FOXK2: variants seen among roughly 807,000 people sequenced by gnomAD.
FOXK2 encodes forkhead box protein K2.
FOXK2 carries 24 observed loss-of-function variants against 53.3 expected under a neutral mutation model. The observed-to-expected ratio is 0.45, with a 90% CI of 0.33 to 0.63. The LOEUF (loss-of-function observed/expected upper bound fraction) is 0.63. Among genes scored for constraint, FOXK2 ranks in the 30% least tolerant of loss-of-function variants. The pLI is 0.03. For synonymous variants in FOXK2, 505 were observed against 407.1 expected, an observed-to-expected ratio of 1.24 and a Z score of -2.89; for missense variants, 952 against 910.5, an observed-to-expected ratio of 1.05 and a Z score of -0.59.
chr17:82,561,796 G>A (rs1261878709), intron 1 of FOXK2, among the ~76,000 whole-genome samples: 3 of 152,112 alleles, frequency 2.0e-5, no homozygotes, highest in Non-Finnish European at 4.4e-5. Context: ...TCCACAGGCT[G>A]GACCCTTCTT....
chr17:82,532,752 G>C (rs993923105), intron 1 of FOXK2, among the ~76,000 whole-genome samples: 1 of 151,670 alleles, frequency 6.6e-6, no homozygotes, highest in South Asian at 2.1e-4. Flanking sequence ...ATTTTTAGTA[G>C]AGATGGGGTT....
chr17:82,571,389 T>C (rs914385791), intron 3 of FOXK2, among the ~76,000 whole-genome samples: 2 of 152,044 alleles, frequency 1.3e-5, no homozygotes, highest in Non-Finnish European at 2.9e-5. Flanking sequence ...TCACCTGAGG[T>C]CAGGAGTTTG....
chr17:82,562,581 T>TAA (rs376861309), intron 1 of FOXK2, among the ~76,000 whole-genome samples: 10 of 143,046 alleles, frequency 7.0e-5, no homozygotes, highest in South Asian at 2.2e-4. Context: ...ACTCTGTTTC[T>TAA]AAAAAAAAAA....
rs1430943584 is a variant in FOXK2 at position 82,604,315 on chromosome 17, T to C, written c.*2816T>C. 2.0e-5 allele frequency: 3 copies of C among 152,444 alleles called. No homozygotes were observed. The highest frequency in any genetic ancestry group is 2.9e-5 in the Non-Finnish European group (2 of 68,048). 9.4% of individuals were successfully genotyped at this position (152,444 alleles called of 1,614,324 possible). ...TCCTCGGTTGCTCCTCCTCTCACTTTAGTAGAGTACGCGGTGGACAGCTGA... is the reference window on the plus strand; with the variant it reads ...TCCTCGGTTGCTCCTCCTCTCACTTCAGTAGAGTACGCGGTGGACAGCTGA... On this transcript the variant is annotated 3_prime_UTR_variant, in exon 9 of 9. Coordinates refer to ENST00000335255, the MANE Select transcript of FOXK2 (RefSeq NM_004514.4).
rs569390298 is a variant in FOXK2 at position 82,587,229 on chromosome 17, C to T, written c.1743C>T (p.His581=). ...AAACTGTAACACAAAACGGCACTCA[C>T]GTGGCATCAGTCCCCACTGCGGTCC... is the stretch of plus-strand genomic sequence containing the variant. ...PIKTVTQNGT[H]VASVPTAVHG... is the part of the protein sequence containing the mutation. Residue 581 remains histidine (H), a synonymous_variant, in exon 8 of 9, where the codon CAC becomes CAT. Coordinates refer to ENST00000335255, the MANE Select transcript of FOXK2 (RefSeq NM_004514.4). 6 of 1,613,070 alleles carry T rather than the reference C, an allele frequency of 3.7e-6. No individual in the cohort carries two copies. The highest frequency in any genetic ancestry group is 4.5e-5 in the East Asian group (2 of 44,892).
chr17:82,585,762 CT>C (rs2045130391), intron 6 of FOXK2, 141 bp from the exon 7 acceptor site: 1 of 785,762 alleles, frequency 1.3e-6, no homozygotes, highest in Admixed American at 2.9e-5. Context: ...TTATTAGTAA[CT>C]TTACTATTGT....
intron 4 of FOXK2, 57 bp from the exon 5 acceptor site, chr17:82,582,684 T>C: frequency 7.0e-7 from 1 of 1,437,208 alleles, no homozygotes; most frequent in Non-Finnish European, 9.4e-7. Context: ...CGAGGACACA[T>C]TTTTATTTCT....
At chr17:82,550,033 A>T (rs965658643) in intron 1 of FOXK2, among the ~76,000 whole-genome samples, 4 of 152,120 alleles carry the variant, frequency 2.6e-5, no homozygotes, top group Admixed American at 2.6e-4. Context: ...TGAGACCCCC[A>T]TCTCTACAAA....
Position 82,587,129 on chromosome 17 carries a change from C to A in FOXK2, c.1643C>A (p.Thr548Lys). Residue 548 changes from threonine to lysine, a missense_variant, in exon 8 of 9, where the codon ACG becomes AAG. Transcript: ENST00000335255. The stretch of plus-strand genomic sequence containing the variant: ...GGCACTGCCAGCCGGATCATTCAGA[C>A]GGCACAGACCACCCCGGTCCAGACG... ...TLGTASRIIQ[T>K]AQTTPVQTVT... 1 of 1,613,024 alleles carries A rather than the reference C, an allele frequency of 6.2e-7. No individual in the cohort carries two copies. The highest frequency in any genetic ancestry group is 8.5e-7 in the Non-Finnish European group (1 of 1,179,994).
intron 1 of FOXK2, among the ~76,000 whole-genome samples, chr17:82,537,601 A>G (rs1014569507): frequency 2.9e-5 from 4 of 137,812 alleles, no homozygotes; most frequent in African/African-American, 1.1e-4. Flanking sequence ...CCTGGGCGAC[A>G]AGAGTGAGAC....
chr17:82,573,513 A>T (rs1171823929), intron 4 of FOXK2, among the ~76,000 whole-genome samples: 1 of 151,748 alleles, frequency 6.6e-6, no homozygotes, highest in Admixed American at 6.6e-5. Flanking sequence ...GCTGTGCTTC[A>T]AACTATATAC....
At chr17:82,541,399 A>G (rs746496889) in intron 1 of FOXK2, among the ~76,000 whole-genome samples, 11 of 150,884 alleles carry the variant, frequency 7.3e-5, no homozygotes, top group Non-Finnish European at 7.4e-5. Flanking sequence ...CAGCCTCCCA[A>G]GTAGCTGGGA....
At chr17:82,529,157 T>C (rs2044446730) in intron 1 of FOXK2, among the ~76,000 whole-genome samples, 1 of 152,036 alleles carries the variant, frequency 6.6e-6, no homozygotes, top group Non-Finnish European at 1.5e-5. Flanking sequence ...TTTTTACAGA[T>C]GATTCCTGCT....
At chr17:82,590,793 T>C (rs990859228) in intron 8 of FOXK2, among the ~76,000 whole-genome samples, 4 of 152,222 alleles carry the variant, frequency 2.6e-5, no homozygotes, top group East Asian at 1.9e-4. Flanking sequence ...TGAGGAATTA[T>C]GTGGATGTGG....
chr17:82,553,158 A>G (rs912871415), intron 1 of FOXK2, among the ~76,000 whole-genome samples: 6 of 151,982 alleles, frequency 3.9e-5, no homozygotes, highest in African/African-American at 1.5e-4. Context: ...CTGATCTCGA[A>G]CTCCTGAGCT....
chr17:82,537,914 C>CTCCAAAAAAAA (rs1182690291), intron 1 of FOXK2, among the ~76,000 whole-genome samples: 12 of 134,318 alleles, frequency 8.9e-5, no homozygotes, highest in African/African-American at 3.3e-4. Context: ...GAGACTCTGT[C>CTCCAAAAAAAA]TCCAAAAAAA....
chr17:82,520,582 C>T (rs976262293), intron 1 of FOXK2, among the ~76,000 whole-genome samples: 2 of 152,230 alleles, frequency 1.3e-5, no homozygotes, highest in Admixed American at 6.5e-5. Context: ...GCGCGCGGGT[C>T]AAGGTTTCTG....
chr17:82,552,795 CAG>C (rs1356602144), intron 1 of FOXK2, among the ~76,000 whole-genome samples: 2 of 152,124 alleles, frequency 1.3e-5, no homozygotes, highest in Non-Finnish European at 2.9e-5. Flanking sequence ...GCATCCCAAA[CAG>C]GGCTCTGGAG....
chr17:82,555,921 T>C (rs977798737), intron 1 of FOXK2, among the ~76,000 whole-genome samples: 1 of 91,782 alleles, frequency 1.1e-5, no homozygotes, highest in African/African-American at 4.0e-5. Flanking sequence ...AAAAAAGAAA[T>C]AGGTCATGGT....
Sources: allele counts gnomAD v4.1 joint callset (sites outside exome capture counted in the v4.1 genomes callset), GRCh38; gene constraint gnomAD v4.1.1; transcripts MANE v1.5; gene names NCBI Gene and HGNC (gene_info 2026-07-23, HGNC 2026-07-21).